DDHD1: variants seen among roughly 807,000 people sequenced by gnomAD.
DDHD1 encodes the protein phospholipase DDHD1.
In DDHD1, 49 loss-of-function variants were observed where a neutral mutation model predicts 96.4. That is an observed-to-expected ratio of 0.51 (90% confidence interval 0.40 to 0.64). DDHD1 has a LOEUF of 0.64. DDHD1 is among the 30% of genes least tolerant of loss of function. DDHD1 has a pLI of 0.00. For missense variants in DDHD1, 1,106 were observed against 1,161.2 expected (o/e 0.95, Z 0.69); for synonymous variants, 442 against 446.5 (o/e 0.99, Z 0.13).
chr14:53,095,259 T>C (rs1405086761), intron 2 of DDHD1, among the ~76,000 whole-genome samples: 1 of 152,160 alleles, frequency 6.6e-6, no homozygotes, highest in Admixed American at 6.6e-5. Context: ...CAAGGCAAAA[T>C]ATTATCTCCC....
chr14:53,151,384 CGTAATATTTGCTGCAT>C (rs1377868288), intron 1 of DDHD1, among the ~76,000 whole-genome samples: 1 of 152,170 alleles, frequency 6.6e-6, no homozygotes, highest in Admixed American at 6.5e-5. Flanking sequence ...ATATTACATA[CGTAATATTTGCTGCAT>C]GCACTGGCAG....
chr14:53,136,609 G>A (rs1890259336), intron 1 of DDHD1, among the ~76,000 whole-genome samples: 3 of 152,136 alleles, frequency 2.0e-5, no homozygotes, highest in African/African-American at 7.2e-5. Flanking sequence ...AGGAGCAGGT[G>A]GAACAATCTC....
intron 12 of DDHD1, among the ~76,000 whole-genome samples, chr14:53,049,756 T>A (rs1170508256): frequency 2.0e-5 from 3 of 150,828 alleles, no homozygotes; most frequent in Admixed American, 6.6e-5. Flanking sequence ...AAAAGAAGAA[T>A]CAGGTTTCTG....
chr14:53,093,352 C>T lies in DDHD1; in HGVS notation c.1105G>A (p.Ala369Thr). 1 of 1,612,164 alleles carries T rather than the reference C, an allele frequency of 6.2e-7. No homozygotes were observed. Among genetic ancestry groups the T allele is most frequent in the Non-Finnish European group, 8.5e-7 (1 of 1,179,448 alleles). Residue 369 changes from alanine to threonine, a missense_variant, in exon 3 of 13, where the codon GCA (alanine) becomes ACA (threonine). Physicochemically the swap from Ala to Thr is moderately conservative, Grantham distance 58 (BLOSUM62 0). Transcript: ENST00000673822. ...LYSDATTSKI[A>T]RTVTQKLGFS... The stretch of plus-strand genomic sequence containing the variant: ...CCCAGTTTTTGGGTAACTGTTCTTG[C>T]AATTTTAGATGTTGTTGCATCACTA...
chr14:53,091,309 G>A (rs1886410856), intron 4 of DDHD1, among the ~76,000 whole-genome samples: 2 of 152,190 alleles, frequency 1.3e-5, no homozygotes, highest in Admixed American at 1.3e-4. Context: ...CCTGTCTGGT[G>A]TGTTGGTAAA....
intron 1 of DDHD1, among the ~76,000 whole-genome samples, chr14:53,115,646 G>A (rs975615242): frequency 1.3e-5 from 2 of 152,090 alleles, no homozygotes; most frequent in Non-Finnish European, 2.9e-5. Flanking sequence ...AACCAAAGGA[G>A]AAATAAAATC....
chr14:53,114,284 G>C (rs1034192824), intron 1 of DDHD1, among the ~76,000 whole-genome samples: 1 of 152,198 alleles, frequency 6.6e-6, no homozygotes, highest in African/African-American at 2.4e-5. Flanking sequence ...GGTGGCTGTG[G>C]GCACGAGGCT....
Position 53,043,136 on chromosome 14 carries a change from A to G in DDHD1, c.*3632T>C, listed in dbSNP as rs1303432218. On this transcript the variant is annotated 3_prime_UTR_variant, in exon 13 of 13. Transcript: ENST00000673822. Reference sequence around the variant, plus strand: ...TTTCTTTTCCTTTTGTCTACTGTCTAGGTGATGCAAAGCTGGAATATGGTG... The same window carrying G: ...TTTCTTTTCCTTTTGTCTACTGTCTGGGTGATGCAAAGCTGGAATATGGTG... The G allele has an allele frequency of 2.0e-5, 3 of 152,196 alleles. No homozygotes were observed. Among genetic ancestry groups the G allele is most frequent in the Non-Finnish European group, 4.4e-5 (3 of 68,048 alleles). The allele number at this position is 152,196 out of a possible 1,614,324, so 9.4% of individuals were successfully genotyped here.
At chr14:53,069,820 G>A (rs1278075782) in intron 6 of DDHD1, among the ~76,000 whole-genome samples, 1 of 152,086 alleles carries the variant, frequency 6.6e-6, no homozygotes, top group Non-Finnish European at 1.5e-5. Flanking sequence ...TTCTAGTCAG[G>A]GATGTTTGAA....
chr14:53,097,633 A>T (rs1595170294), intron 2 of DDHD1, among the ~76,000 whole-genome samples: 1 of 152,052 alleles, frequency 6.6e-6, no homozygotes, highest in East Asian at 1.9e-4. Context: ...CTTGAAACAA[A>T]AACTAGATTT....
intron 4 of DDHD1, among the ~76,000 whole-genome samples, chr14:53,078,380 T>C (rs1885152085): frequency 6.6e-6 from 1 of 152,184 alleles, no homozygotes. Flanking sequence ...CTAAAGATGC[T>C]GAACATCTTT....
intron 1 of DDHD1, among the ~76,000 whole-genome samples, chr14:53,146,364 C>G (rs1890980535): frequency 6.6e-6 from 1 of 150,966 alleles, no homozygotes; most frequent in African/African-American, 2.4e-5. Flanking sequence ...ATCAGCCAGG[C>G]ATGGTGGCAC....
rs78890785 is a variant in DDHD1, at chr14:53,110,424, G to A, written c.839-6568C>T. Among the ~76,000 whole-genome samples, 306 of 152,286 alleles carry A rather than the reference G, an allele frequency of 2.0e-3. 1 individual carries two copies. The highest frequency in any genetic ancestry group is 0.011 in the Admixed American group (162 of 15,298). On this transcript the variant is annotated intron_variant, in intron 1 of 12. Transcript: ENST00000673822. The stretch of plus-strand genomic sequence containing the variant: ...CTCCTTAAAACCCAGAATGTGTTGT[G>A]CTGGTTCTTACTTCTGTATCTTGCA...
Position 53,113,499 on chromosome 14 carries a change from G to C in DDHD1, c.839-9643C>G, listed in dbSNP as rs111444245. On this transcript the variant is annotated intron_variant, in intron 1 of 12. Transcript: ENST00000673822. Reference sequence around the variant, plus strand: ...GAACAGCTCTGGTCTGCAGGTCCCAGTGAGACCAATGCAGAAGGAGGGTGA... The same window carrying C: ...GAACAGCTCTGGTCTGCAGGTCCCACTGAGACCAATGCAGAAGGAGGGTGA... Among the ~76,000 whole-genome samples the C allele has an allele frequency of 2.7e-3, 403 of 151,902 alleles. 3 individuals carry two copies. The highest frequency in any genetic ancestry group is 9.5e-3 in the African/African-American group (391 of 41,374).
At chr14:53,096,357 T>C in intron 2 of DDHD1, 1 of 199,938 alleles carries the variant, frequency 5.0e-6, no homozygotes, top group Non-Finnish European at 9.0e-6. Context: ...ATATGATTTC[T>C]AAGAATCAGT....
intron 6 of DDHD1, among the ~76,000 whole-genome samples, chr14:53,066,155 T>C (rs1883991600): frequency 1.3e-5 from 2 of 152,098 alleles, no homozygotes; most frequent in South Asian, 4.1e-4. Context: ...GTTGTTGTTG[T>C]TATTTTTGTT....
At chr14:53,052,745 GTATGTGTAA>G (rs138604804) in intron 11 of DDHD1, 9 of 151,880 alleles carry the variant, frequency 5.9e-5, no homozygotes, top group African/African-American at 1.9e-4. Flanking sequence ...TAATATATAA[GTATGTGTAA>G]TATGTGAATA....
intron 6 of DDHD1, among the ~76,000 whole-genome samples, chr14:53,071,792 C>T (rs1470074084): frequency 6.6e-6 from 1 of 151,930 alleles, no homozygotes; most frequent in Non-Finnish European, 1.5e-5. Flanking sequence ...GATTAAAGGC[C>T]CAGGAAAGTC....
At chr14:53,060,361 C>T (rs1883442817) in intron 8 of DDHD1, among the ~76,000 whole-genome samples, 1 of 152,204 alleles carries the variant, frequency 6.6e-6, no homozygotes, top group Admixed American at 6.5e-5. Flanking sequence ...AAAAACCCTG[C>T]AAAGCTTCCC....
Sources: gnomAD v4.1 joint callset for allele counts (sites outside exome capture counted in the v4.1 genomes callset) on GRCh38, gnomAD v4.1.1 for gene constraint, MANE v1.5 for transcripts, NCBI Gene and HGNC (gene_info 2026-07-23, HGNC 2026-07-21) for gene names.